Variants in HPSE2 observed in about 807,000 individuals in gnomAD.
HPSE2 encodes the protein inactive heparanase-2.
A neutral mutation model predicts 60.5 loss-of-function variants in HPSE2; 38 were observed. That is an observed-to-expected ratio of 0.63 (90% confidence interval 0.48 to 0.82). The LOEUF (loss-of-function observed/expected upper bound fraction) is 0.82, where lower values mean the gene tolerates loss of function less well. Among genes scored for constraint, HPSE2 ranks in the 40% least tolerant of loss-of-function variants. HPSE2 has a pLI of 0.00. For synonymous variants in HPSE2, 295 were observed against 293.2 expected (o/e 1.01, Z -0.06); for missense variants, 713 against 740.4 (o/e 0.96, Z 0.43).
chr10:99,151,369 T>C (rs532041406), intron 2 of HPSE2, among the ~76,000 whole-genome samples: 90 of 151,846 alleles, frequency 5.9e-4, no homozygotes, highest in African/African-American at 2.2e-3. Context: ...CATGAAGCAA[T>C]CAAACATATG....
At chr10:98,521,444 A>G (rs905785690) in intron 9 of HPSE2, among the ~76,000 whole-genome samples, 2 of 152,240 alleles carry the variant, frequency 1.3e-5, no homozygotes, top group Admixed American at 6.5e-5. Context: ...ATACCATCTC[A>G]TGCCAGTTAG....
chr10:98,597,086 T>A (rs665147), intron 9 of HPSE2, among the ~76,000 whole-genome samples: 16,015 of 151,992 alleles, frequency 0.11, 1,427 homozygotes, highest in African/African-American at 0.25. Flanking sequence ...TCAGCTCTCA[T>A]GAGAACTTAC....
intron 9 of HPSE2, among the ~76,000 whole-genome samples, chr10:98,582,464 G>T (rs1219368322): frequency 6.6e-6 from 1 of 152,190 alleles, no homozygotes; most frequent in Non-Finnish European, 1.5e-5. Context: ...CCTTCTGGGT[G>T]CCAAATACAC....
At chr10:98,464,701 T>G (rs1203416819) in intron 11 of HPSE2, among the ~76,000 whole-genome samples, 3 of 152,238 alleles carry the variant, frequency 2.0e-5, no homozygotes, top group Non-Finnish European at 4.4e-5. Context: ...TGAATGGGCT[T>G]TTGAGGCTCT....
At chr10:98,882,966 G>T (rs990171664) in intron 3 of HPSE2, among the ~76,000 whole-genome samples, 1 of 152,032 alleles carries the variant, frequency 6.6e-6, no homozygotes, top group Non-Finnish European at 1.5e-5. Context: ...GTATGATGCC[G>T]AAGATTGTAT....
intron 3 of HPSE2, among the ~76,000 whole-genome samples, chr10:98,986,405 C>T (rs1320664035): frequency 5.4e-5 from 8 of 149,016 alleles, no homozygotes; most frequent in African/African-American, 1.2e-4. Flanking sequence ...GGGTACATAA[C>T]GAAATGAAGG....
intron 3 of HPSE2, among the ~76,000 whole-genome samples, chr10:98,938,138 A>G (rs1393677512): frequency 1.4e-5 from 2 of 143,922 alleles, no homozygotes; most frequent in East Asian, 2.0e-4. Flanking sequence ...AAAGATGGGG[A>G]AAAAACAGAG....
chr10:98,560,653 G>C (rs1944145934), intron 9 of HPSE2, among the ~76,000 whole-genome samples: 1 of 152,168 alleles, frequency 6.6e-6, no homozygotes, highest in African/African-American at 2.4e-5. Context: ...CTTCACAGTT[G>C]AACAGCCATT....
chr10:98,740,252 T>A (rs1949464632), intron 4 of HPSE2, among the ~76,000 whole-genome samples: 2 of 151,600 alleles, frequency 1.3e-5, no homozygotes, highest in African/African-American at 2.4e-5. Flanking sequence ...CATGGCTCAC[T>A]GCAGCCTCAA....
intron 3 of HPSE2, among the ~76,000 whole-genome samples, chr10:99,036,057 AT>A (rs1025640396): frequency 3.3e-5 from 5 of 151,496 alleles, no homozygotes; most frequent in African/African-American, 4.9e-5. Context: ...CAAAAAAAAA[AT>A]TTTTTTTTAA....
the HPSE2 span, among the ~76,000 whole-genome samples, chr10:99,278,028 C>T: frequency 4.8e-5 from 7 of 146,532 alleles, no homozygotes; most frequent in Non-Finnish European, 7.4e-5. Flanking sequence ...ACCCAGGAGG[C>T]GGAGGTTTCA....
At chr10:99,293,304 G>A in the HPSE2 span, among the ~76,000 whole-genome samples, 1 of 152,188 alleles carries the variant, frequency 6.6e-6, no homozygotes, top group African/African-American at 2.4e-5. Context: ...TTAGAACTGA[G>A]AAACATTGGA....
the HPSE2 span, among the ~76,000 whole-genome samples, chr10:99,253,793 G>GA: frequency 1.3e-5 from 2 of 151,902 alleles, no homozygotes; most frequent in African/African-American, 4.8e-5. Flanking sequence ...AAAAAAATGG[G>GA]AAAAAGACAT....
chr10:98,923,039 C>A (rs1350717895), intron 3 of HPSE2, among the ~76,000 whole-genome samples: 2 of 152,160 alleles, frequency 1.3e-5, no homozygotes, highest in Non-Finnish European at 2.9e-5. Flanking sequence ...ACATCATTTT[C>A]TTTCAGATTG....
intron 3 of HPSE2, among the ~76,000 whole-genome samples, chr10:98,899,637 G>A (rs186368645): frequency 5.3e-5 from 8 of 152,172 alleles, no homozygotes; most frequent in Non-Finnish European, 1.0e-4. Context: ...TATTAAAATG[G>A]CTAAAAATAA....
At chr10:98,960,655 C>A (rs545866266) in intron 3 of HPSE2, among the ~76,000 whole-genome samples, 1 of 142,546 alleles carries the variant, frequency 7.0e-6, no homozygotes, top group South Asian at 2.3e-4. Context: ...ATATCTAATA[C>A]AACATGAGTT....
chr10:98,880,670 T>C (rs970308440), intron 3 of HPSE2, among the ~76,000 whole-genome samples: 2 of 152,050 alleles, frequency 1.3e-5, no homozygotes, highest in Non-Finnish European at 1.5e-5. Context: ...TATTTTTACA[T>C]GGAAATGACT....
chr10:98,896,402 T>C (rs1953493949), intron 3 of HPSE2, among the ~76,000 whole-genome samples: 1 of 152,182 alleles, frequency 6.6e-6, no homozygotes, highest in Admixed American at 6.6e-5. Context: ...AGATTCTATA[T>C]TCAACACAGT....
At chr10:99,152,930 C>A (rs2135804216) in intron 2 of HPSE2, among the ~76,000 whole-genome samples, 1 of 152,382 alleles carries the variant, frequency 6.6e-6, no homozygotes, top group East Asian at 1.9e-4. Context: ...GAGGCATTGC[C>A]TCACTTGGGA....
Sources: allele counts gnomAD v4.1 joint callset (sites outside exome capture counted in the v4.1 genomes callset), GRCh38; gene constraint gnomAD v4.1.1; transcripts MANE v1.5; gene names NCBI Gene and HGNC (gene_info 2026-07-23, HGNC 2026-07-21).